TCF3: variants seen among roughly 807,000 people sequenced by gnomAD.
The protein encoded by TCF3 is transcription factor E2-alpha.
A neutral mutation model predicts 72.3 loss-of-function variants in TCF3; 54 were observed. The observed-to-expected ratio is 0.75, with a 90% confidence interval of 0.60 to 0.94. The LOEUF is 0.94. TCF3 is among the 40% of genes least tolerant of loss of function. TCF3 has a pLI of 0.00. For missense variants in TCF3, 1,078 were observed against 934.4 expected, an observed-to-expected ratio of 1.15 and a Z score of -2.00; for synonymous variants, 525 against 412.6, an observed-to-expected ratio of 1.27 and a Z score of -3.30.
chr19:1,619,764 C>CGGGGGGGG lies in TCF3; in HGVS notation c.1167+15_1167+16insCCCCCCCC. 1 of 678,986 alleles carries CGGGGGGGG rather than the reference C, an allele frequency of 1.5e-6. No individual in the cohort carries two copies. Among genetic ancestry groups the CGGGGGGGG allele is most frequent in the Non-Finnish European group, 2.0e-6 (1 of 489,526 alleles). The allele number at this position is 678,986 out of a possible 1,614,324, so 42.1% of individuals were successfully genotyped here. A position where few individuals can be genotyped will look rare whatever the true frequency, so the allele number is the denominator to read the frequency against. On this transcript the variant is annotated intron_variant, in intron 14 of 18. Coordinates refer to ENST00000262965, the MANE Select transcript of TCF3 (RefSeq NM_003200.5). ...TCTGTCGGGGAAGGGTGGGGTGGGG[C>CGGGGGGGG]GGGGCAGGCACTCACCAGGCCGTGG...
intron 7 of TCF3, among the ~76,000 whole-genome samples, chr19:1,625,225 G>A (rs556885044): frequency 3.9e-5 from 6 of 152,344 alleles, no homozygotes; most frequent in Admixed American, 2.0e-4. Context: ...GACGTGCCTC[G>A]CGGGGGATGC....
At position 1,627,389 on chromosome 19, in the gene TCF3, C is replaced by T. The variant is rs755092926; in HGVS notation, c.336G>A (p.Gly112=). 6.2e-7 allele frequency: 1 copy of T among 1,611,872 alleles called. No individual in the cohort carries two copies. The highest frequency in any genetic ancestry group is 2.2e-5 in the East Asian group (1 of 44,884). Residue 112 remains glycine (G), a synonymous_variant, in exon 6 of 19, where the codon GGG becomes GGA. Coordinates refer to ENST00000262965, the MANE Select transcript of TCF3 (RefSeq NM_003200.5). Reference sequence around the variant, plus strand: ...TCAGGCCGCCCACGCCTGCGTCTCTCCCGAAGGAGGCATAGGCGCCCCGCT... The same window carrying T: ...TCAGGCCGCCCACGCCTGCGTCTCTTCCGAAGGAGGCATAGGCGCCCCGCT... ...SGERGAYASF[G]RDAGVGGLTQ...
At chr19:1,621,350 T>G in intron 11 of TCF3, 159 bp from the exon 12 acceptor site, 1 of 932,714 alleles carries the variant, frequency 1.1e-6, no homozygotes, top group East Asian at 2.8e-5. Flanking sequence ...AACCAGCCTC[T>G]GCAGGGGTTG....
chr19:1,624,567 C>T (rs530617869), intron 7 of TCF3, among the ~76,000 whole-genome samples: 11 of 152,358 alleles, frequency 7.2e-5, no homozygotes, highest in Admixed American at 6.5e-4. Flanking sequence ...GCCCCACCCT[C>T]CTTCCAAGAT....
At position 1,627,391 on chromosome 19, in the gene TCF3, C is replaced by T. The variant is rs758090731; in HGVS notation, c.334G>A (p.Gly112Arg). 4.3e-5 allele frequency: 69 copies of T among 1,611,882 alleles called. No homozygotes were observed. Among genetic ancestry groups the T allele is most frequent in the African/African-American group, 1.5e-4 (11 of 75,058 alleles). Residue 112 changes from glycine (G) to arginine (R), a missense_variant, in exon 6 of 19, where the codon GGG (glycine) becomes AGG (arginine). Physicochemically the swap from Gly to Arg is moderately radical, Grantham distance 125. Transcript: ENST00000262965. Reference sequence around the variant, plus strand: ...AGGCCGCCCACGCCTGCGTCTCTCCCGAAGGAGGCATAGGCGCCCCGCTCA... The same window carrying T: ...AGGCCGCCCACGCCTGCGTCTCTCCTGAAGGAGGCATAGGCGCCCCGCTCA... ...SGERGAYASFGRDAGVGGLTQ... is the reference protein window; with the variant it reads ...SGERGAYASFRRDAGVGGLTQ...
intron 1 of TCF3, 148 bp from the exon 2 acceptor site, chr19:1,650,435 G>A (rs999811319): frequency 3.4e-6 from 2 of 593,492 alleles, no homozygotes; most frequent in Non-Finnish European, 5.9e-6. Context: ...TGGGGGCACG[G>A]GGAGCCCTGG....
chr19:1,650,239 G>A lies in TCF3; in HGVS notation c.10C>T (p.Pro4Ser). ...GTGCCCACAGGCGCCATCCTCTGCGGCTGGTTCATTCTCCTGGGGCCAGGG... is the reference window on the plus strand; with the variant it reads ...GTGCCCACAGGCGCCATCCTCTGCGACTGGTTCATTCTCCTGGGGCCAGGG... MNQ[P>S]QRMAPVGTDK... Residue 4 changes from proline (P) to serine (S), a missense_variant, in exon 2 of 19, where the codon CCG (proline) becomes TCG (serine). Physicochemically the swap from Pro to Ser is moderately conservative, Grantham distance 74. Coordinates refer to ENST00000262965, the MANE Select transcript of TCF3 (RefSeq NM_003200.5). The A allele has an allele frequency of 6.4e-7, 1 of 1,565,666 alleles. No individual in the cohort carries two copies. The highest frequency in any genetic ancestry group is 8.6e-7 in the Non-Finnish European group (1 of 1,156,220).
rs1422397560 is a variant in TCF3 at position 1,614,391 on chromosome 19, C to T, written c.1822+894G>A. On this transcript the variant is annotated intron_variant, in intron 18 of 18. Transcript: ENST00000262965. This position sits in a 1 kb window ranked among gnomAD's most constrained non-coding sequence, Gnocchi z 5.6. ...AAACGCCCTGAGGTTGCAGCCCAGC[C>T]GCTCCCGGTGCTCGGGCAGCAAGTG... is the stretch of plus-strand genomic sequence containing the variant. 3.9e-5 allele frequency among the ~76,000 whole-genome samples: 6 copies of T among 152,190 alleles called. No homozygotes were observed. The highest frequency in any genetic ancestry group is 1.9e-4 in the East Asian group (1 of 5,196).
intron 6 of TCF3, among the ~76,000 whole-genome samples, chr19:1,626,659 G>A (rs1465587917): frequency 1.3e-5 from 2 of 152,134 alleles, no homozygotes; most frequent in Non-Finnish European, 2.9e-5. Context: ...CCGGGCACTT[G>A]CGTATTCCTG....
intron 3 of TCF3, among the ~76,000 whole-genome samples, chr19:1,637,883 T>C (rs1244723230): frequency 2.0e-5 from 3 of 151,234 alleles, no homozygotes; most frequent in African/African-American, 7.3e-5. Flanking sequence ...CACTCCAGCC[T>C]GGGCAATAGA....
At chr19:1,616,381 G>C (rs1382310884) in intron 16 of TCF3, 1 of 152,074 alleles carries the variant, frequency 6.6e-6, no homozygotes, top group Non-Finnish European at 1.5e-5. Flanking sequence ...GGCTGAGGCA[G>C]GAGAATCACT....
Position 1,615,943 on chromosome 19 carries a change from A to C in TCF3, c.1451-122T>G. 8.0e-7 allele frequency: 1 copy of C among 1,254,896 alleles called. No homozygotes were observed. The highest frequency in any genetic ancestry group is 1.5e-5 in the African/African-American group (1 of 66,530). The allele number at this position is 1,254,896 out of a possible 1,614,324, so 77.7% of individuals were successfully genotyped here. A position where few individuals can be genotyped will look rare whatever the true frequency, so the allele number is the denominator to read the frequency against. The stretch of plus-strand genomic sequence containing the variant: ...AAAAACCAGGTCTTGGCCAAAAATA[A>C]AAACAAAAAACCAACAACCAGAACT... On this transcript the variant is annotated intron_variant, in intron 16 of 18. Coordinates refer to ENST00000262965, the MANE Select transcript of TCF3 (RefSeq NM_003200.5). The surrounding 1 kb of genome is among the most constrained non-coding windows in gnomAD (Gnocchi z 7.3).
intron 3 of TCF3, among the ~76,000 whole-genome samples, chr19:1,637,832 C>A (rs1173981303): frequency 1.3e-5 from 2 of 152,042 alleles, no homozygotes; most frequent in Admixed American, 6.5e-5. Context: ...TGGCGCGAAC[C>A]CGGGAGGCAG....
At chr19:1,620,178 C>T (rs758958474) in intron 13 of TCF3, among the ~76,000 whole-genome samples, 7 of 152,186 alleles carry the variant, frequency 4.6e-5, no homozygotes, top group African/African-American at 9.7e-5. Flanking sequence ...GGCTGACCCA[C>T]GCTGGGCTCC....
intron 16 of TCF3, among the ~76,000 whole-genome samples, chr19:1,616,033 G>A (rs983889149): frequency 6.6e-5 from 10 of 152,186 alleles, no homozygotes; most frequent in East Asian, 3.8e-4. Flanking sequence ...CAAGATGAAA[G>A]GGAAACAGTT....
intron 2 of TCF3, among the ~76,000 whole-genome samples, chr19:1,648,528 T>C (rs2066484886): frequency 6.6e-6 from 1 of 152,218 alleles, no homozygotes; most frequent in South Asian, 2.1e-4. Context: ...AGCCCAGCGG[T>C]CTGTGACTTG....
intron 3 of TCF3, among the ~76,000 whole-genome samples, chr19:1,636,997 G>A (rs887794661): frequency 6.6e-6 from 1 of 152,172 alleles, no homozygotes; most frequent in Non-Finnish European, 1.5e-5. Flanking sequence ...ACGTGCCCTC[G>A]GGTAGAGGCA....
At chr19:1,640,439 A>G (rs1203818078) in intron 3 of TCF3, among the ~76,000 whole-genome samples, 1 of 152,158 alleles carries the variant, frequency 6.6e-6, no homozygotes, top group Non-Finnish European at 1.5e-5. Flanking sequence ...CCAGTAAAAT[A>G]CGGTAATAAT....
At chr19:1,630,159 C>T (rs1169085397) in intron 5 of TCF3, among the ~76,000 whole-genome samples, 3 of 152,212 alleles carry the variant, frequency 2.0e-5, no homozygotes, top group Non-Finnish European at 2.9e-5. Flanking sequence ...TCAGCCCTGC[C>T]CACCCTGGGG....
Sources: allele counts gnomAD v4.1 joint callset (sites outside exome capture counted in the v4.1 genomes callset), GRCh38; gene constraint gnomAD v4.1.1; non-coding constraint Gnocchi (gnomAD v3.1); transcripts MANE v1.5; gene names NCBI Gene and HGNC (gene_info 2026-07-23, HGNC 2026-07-21).